Variants in DENND5B observed in about 807,000 individuals in gnomAD.
The protein encoded by DENND5B is DENN domain-containing protein 5B.
A neutral mutation model predicts 140.6 loss-of-function variants in DENND5B; 34 were observed. That is an observed-to-expected ratio of 0.24 (90% CI 0.18 to 0.32). The LOEUF is 0.32. Among genes scored for constraint, DENND5B ranks in the 10% least tolerant of loss-of-function variants. DENND5B has a pLI of 1.00. For synonymous variants in DENND5B, 551 were observed against 562.1 expected, an observed-to-expected ratio of 0.98 and a Z score of 0.28; for missense variants, 1,142 against 1,560.2, an observed-to-expected ratio of 0.73 and a Z score of 4.52.
chr12:31,430,499 A>T (rs1357713137), intron 8 of DENND5B, among the ~76,000 whole-genome samples: 1 of 31,160 alleles, frequency 3.2e-5, no homozygotes, highest in Non-Finnish European at 6.1e-5. Context: ...TAAAAATACA[A>T]AAAAAAAAAA....
At chr12:31,456,416 TAC>T (rs1944783415) in intron 4 of DENND5B, among the ~76,000 whole-genome samples, 1 of 152,036 alleles carries the variant, frequency 6.6e-6, no homozygotes, top group African/African-American at 2.4e-5. Context: ...AACCTTCCTA[TAC>T]CCTTACCCTA....
chr12:31,450,701 A>G (rs1944473463), intron 5 of DENND5B, among the ~76,000 whole-genome samples: 1 of 152,184 alleles, frequency 6.6e-6, no homozygotes, highest in African/African-American at 2.4e-5. Flanking sequence ...AAAATTCTCC[A>G]GTACTGTAGA....
At chr12:31,548,581 G>A (rs994360386) in intron 1 of DENND5B, among the ~76,000 whole-genome samples, 2 of 151,938 alleles carry the variant, frequency 1.3e-5, no homozygotes, top group East Asian at 1.9e-4. Context: ...GATCATACTC[G>A]TTTTGTCAAA....
chr12:31,418,577 AGCCATCACACCCG>A (rs753897132), intron 11 of DENND5B, among the ~76,000 whole-genome samples: 3 of 151,532 alleles, frequency 2.0e-5, no homozygotes, highest in Non-Finnish European at 4.4e-5. Context: ...TATAGGCATG[AGCCATCACACCCG>A]GCCACAGCTT....
chr12:31,402,171 G>A (rs1318393216), intron 15 of DENND5B, among the ~76,000 whole-genome samples: 1 of 151,970 alleles, frequency 6.6e-6, no homozygotes, highest in Admixed American at 6.6e-5. Context: ...ACAGTAGGGA[G>A]GAGAACCACC....
chr12:31,590,861 C>T lies in DENND5B; in HGVS notation c.-29G>A. ...GGCCGCGCTGCTCCAGGGGCCGCCG[C>T]CGCCGCCGCCCGGGAAGGCTTTCTG... On this transcript the variant is annotated 5_prime_UTR_variant, in exon 1 of 21. Coordinates refer to ENST00000389082, the MANE Select transcript of DENND5B (RefSeq NM_144973.4). The T allele has an allele frequency of 8.4e-7, 1 of 1,195,094 alleles. No homozygotes were observed. Among genetic ancestry groups the T allele is most frequent in the Non-Finnish European group, 1.0e-6 (1 of 967,324 alleles). 74.0% of individuals were successfully genotyped at this position (1,195,094 alleles called of 1,614,324 possible).
intron 1 of DENND5B, among the ~76,000 whole-genome samples, chr12:31,545,373 C>A (rs191021219): frequency 3.9e-5 from 6 of 152,210 alleles, no homozygotes; most frequent in Admixed American, 6.6e-5. Context: ...GTTTTTCAAC[C>A]ATTCCCCTCC....
intron 6 of DENND5B, among the ~76,000 whole-genome samples, chr12:31,447,315 C>T (rs570024196): frequency 2.4e-4 from 36 of 151,998 alleles, no homozygotes; most frequent in Middle Eastern, 3.4e-3. Context: ...TCCAGACATA[C>T]TTGATTCAAT....
intron 3 of DENND5B, among the ~76,000 whole-genome samples, chr12:31,469,346 AAAG>A (rs527879588): frequency 0.031 from 4,070 of 130,032 alleles, 184 homozygotes; most frequent in African/African-American, 0.099. Context: ...AAAAAAAAAA[AAAG>A]AAGAAGAAGA....
intron 4 of DENND5B, among the ~76,000 whole-genome samples, chr12:31,457,290 A>C (rs566427349): frequency 6.6e-6 from 1 of 152,168 alleles, no homozygotes; most frequent in Non-Finnish European, 1.5e-5. Flanking sequence ...CTCCCTAAAA[A>C]ACAGTATTAC....
chr12:31,456,929 A>T (rs191162784), intron 4 of DENND5B, among the ~76,000 whole-genome samples: 11 of 150,710 alleles, frequency 7.3e-5, no homozygotes, highest in Admixed American at 3.9e-4. Flanking sequence ...TAATAATTTT[A>T]AAAAATTAGC....
intron 1 of DENND5B, among the ~76,000 whole-genome samples, chr12:31,507,991 T>C (rs954761724): frequency 2.6e-5 from 4 of 152,238 alleles, no homozygotes; most frequent in Admixed American, 2.6e-4. Flanking sequence ...GGAAAGCATA[T>C]TGTTATCCAT....
At chr12:31,462,225 C>A (rs921331091) in intron 3 of DENND5B, among the ~76,000 whole-genome samples, 1 of 152,072 alleles carries the variant, frequency 6.6e-6, no homozygotes, top group East Asian at 1.9e-4. Flanking sequence ...TAGGCTGAGA[C>A]AGCTGGTACT....
chr12:31,491,609 G>C (rs1946530220), intron 2 of DENND5B, among the ~76,000 whole-genome samples: 1 of 152,148 alleles, frequency 6.6e-6, no homozygotes, highest in Non-Finnish European at 1.5e-5. Flanking sequence ...TGTCAATGTT[G>C]ACATATGTTA....
At chr12:31,504,656 C>T (rs1188595264) in intron 1 of DENND5B, among the ~76,000 whole-genome samples, 1 of 152,184 alleles carries the variant, frequency 6.6e-6, no homozygotes, top group Non-Finnish European at 1.5e-5. Flanking sequence ...GCACTATCCA[C>T]TTCCATCATA....
At chr12:31,538,434 G>A (rs1299999904) in intron 1 of DENND5B, among the ~76,000 whole-genome samples, 1 of 151,966 alleles carries the variant, frequency 6.6e-6, no homozygotes, top group Non-Finnish European at 1.5e-5. Context: ...TACAACAAAA[G>A]CAGTACTGAG....
At chr12:31,425,950 G>A (rs898334895) in intron 9 of DENND5B, among the ~76,000 whole-genome samples, 2 of 152,180 alleles carry the variant, frequency 1.3e-5, no homozygotes, top group African/African-American at 4.8e-5. Flanking sequence ...TTGTACACAG[G>A]TGCATACACA....
chr12:31,519,730 A>G lies in DENND5B; in HGVS notation c.128-23811T>C, dbSNP rs78764431. On this transcript the variant is annotated intron_variant, in intron 1 of 20. Coordinates refer to ENST00000389082, the MANE Select transcript of DENND5B (RefSeq NM_144973.4). ...CTGCTCACTTAATTCTCATTAAATG[A>G]CTAGTAAATCAGTAACTGCAACAGA... is the stretch of plus-strand genomic sequence containing the variant. 6.9e-3 allele frequency among the ~76,000 whole-genome samples: 1,050 copies of G among 152,290 alleles called. 14 individuals carry two copies. The highest frequency in any genetic ancestry group is 0.024 in the African/African-American group (1,007 of 41,572).
intron 16 of DENND5B, 24 bp downstream of exon 16, chr12:31,399,630 G>A (rs879209972): frequency 1.3e-6 from 2 of 1,581,974 alleles, no homozygotes; most frequent in Non-Finnish European, 1.7e-6. Flanking sequence ...AAAGAATTCT[G>A]AGTTCCCAAG....
Sources: allele counts gnomAD v4.1 joint callset (sites outside exome capture counted in the v4.1 genomes callset), GRCh38; gene constraint gnomAD v4.1.1; transcripts MANE v1.5; gene names NCBI Gene and HGNC (gene_info 2026-07-23, HGNC 2026-07-21).